DZANK1: variants seen among roughly 807,000 people sequenced by gnomAD.
The protein encoded by DZANK1 is double zinc ribbon and ankyrin repeat domains 1.
Under a neutral mutation model 94.5 loss-of-function variants are expected in DZANK1, and 91 were observed. The ratio of observed to expected loss-of-function variants is 0.96; its 90% CI spans 0.81 to 1.15. The LOEUF (loss-of-function observed/expected upper bound fraction) is 1.15, where lower values mean the gene tolerates loss of function less well. Ranked by LOEUF, DZANK1 falls within the 50% of genes most tolerant of loss-of-function variation. The pLI, the probability that DZANK1 is intolerant of heterozygous loss-of-function variation, is 0.00. For synonymous variants in DZANK1, 312 were observed against 325.3 expected, an observed-to-expected ratio of 0.96 and a Z score of 0.44; for missense variants, 903 against 916.4, an observed-to-expected ratio of 0.99 and a Z score of 0.19.
At chr20:18,404,043 G>A (rs983063275) in intron 13 of DZANK1, among the ~76,000 whole-genome samples, 4 of 151,942 alleles carry the variant, frequency 2.6e-5, no homozygotes, top group African/African-American at 4.8e-5. Context: ...GGCCCACCTC[G>A]GCCTCCCAAA....
At chr20:18,392,187 C>T (rs578088917) in intron 17 of DZANK1, among the ~76,000 whole-genome samples, 44 of 152,324 alleles carry the variant, frequency 2.9e-4, no homozygotes, top group African/African-American at 9.6e-4. Flanking sequence ...TAGGTAGAGT[C>T]TCCCAAATTG....
exon 10 of DZANK1, chr20:18,427,075 A>T: frequency 3.1e-6 from 5 of 1,610,244 alleles, no homozygotes; most frequent in Non-Finnish European, 4.2e-6. Context: ...ACCTCTTGTG[A>T]TGAAGGCAGG....
At chr20:18,426,981 C>G (rs1330245241) in intron 10 of DZANK1, 86 bp downstream of exon 10, 1 of 999,448 alleles carries the variant, frequency 1.0e-6, no homozygotes, top group Non-Finnish European at 1.4e-6. Context: ...TCTCCCCAAC[C>G]CCCTCGGCAG....
chr20:18,416,046 C>T (rs1281458548), intron 10 of DZANK1, among the ~76,000 whole-genome samples: 2 of 152,222 alleles, frequency 1.3e-5, no homozygotes, highest in African/African-American at 2.4e-5. Flanking sequence ...ACAGTGGCTG[C>T]TACCTGACCA....
At chr20:18,426,190 A>G (rs762145339) in intron 10 of DZANK1, among the ~76,000 whole-genome samples, 12 of 152,162 alleles carry the variant, frequency 7.9e-5, no homozygotes, top group Non-Finnish European at 1.6e-4. Flanking sequence ...TAGGAGTGCA[A>G]ACCCTATTGT....
intron 8 of DZANK1, among the ~76,000 whole-genome samples, chr20:18,440,545 C>T (rs1023801568): frequency 6.6e-6 from 1 of 152,294 alleles, no homozygotes; most frequent in East Asian, 1.9e-4. Context: ...TGGATCACAG[C>T]ATGCACCTGT....
At chr20:18,460,009 G>T (rs1312436542) in intron 3 of DZANK1, 144 bp downstream of exon 3, 17 of 600,302 alleles carry the variant, frequency 2.8e-5, no homozygotes, top group Non-Finnish European at 4.5e-5. Flanking sequence ...AAACACAAAT[G>T]TTACATACAT....
At chr20:18,398,215 G>A in intron 14 of DZANK1, 1 of 363,148 alleles carries the variant, frequency 2.8e-6, no homozygotes, top group South Asian at 3.6e-5. Context: ...TGCACGATCT[G>A]GATGGATTAA....
intron 11 of DZANK1, 114 bp from the exon 12 acceptor site, chr20:18,414,626 C>A (rs899122179): frequency 7.9e-7 from 1 of 1,264,354 alleles, no homozygotes; most frequent in African/African-American, 1.5e-5. Context: ...GCCATTCTAC[C>A]TTCCAGAATT....
intron 15 of DZANK1, among the ~76,000 whole-genome samples, chr20:18,395,011 C>T (rs2056258511): frequency 1.3e-5 from 2 of 152,214 alleles, no homozygotes; most frequent in South Asian, 4.1e-4. Context: ...TGCTCCTGTC[C>T]CAGGGAAGAG....
intron 8 of DZANK1, among the ~76,000 whole-genome samples, chr20:18,440,665 C>G (rs2058690017): frequency 6.6e-6 from 1 of 152,296 alleles, no homozygotes; most frequent in South Asian, 2.1e-4. Flanking sequence ...TTCAAGCCAT[C>G]TGCCCAGGTG....
At chr20:18,453,932 G>C in intron 4 of DZANK1, 105 bp from the exon 5 acceptor site, 4 of 834,986 alleles carry the variant, frequency 4.8e-6, no homozygotes, top group Non-Finnish European at 6.3e-6. Flanking sequence ...ATTTGAAAGA[G>C]TTTATGGTCA....
exon 18 of DZANK1, chr20:18,390,383 T>G: frequency 6.2e-7 from 1 of 1,613,902 alleles, no homozygotes; most frequent in Non-Finnish European, 8.5e-7. Context: ...ACTTACCTCA[T>G]CCAGCAGCTG....
At chr20:18,454,856 A>G (rs555883316) in intron 4 of DZANK1, among the ~76,000 whole-genome samples, 1 of 152,380 alleles carries the variant, frequency 6.6e-6, no homozygotes, top group South Asian at 2.1e-4. Context: ...GTGCCAGGAT[A>G]GCAGTGATAG....
chr20:18,462,594 AG>A (rs1162529211), intron 2 of DZANK1, among the ~76,000 whole-genome samples: 6 of 152,206 alleles, frequency 3.9e-5, no homozygotes, highest in African/African-American at 1.4e-4. Context: ...TTTGTTAAAA[AG>A]TCAAAAACTA....
chr20:18,412,786 A>C, exon 13 of DZANK1: 1 of 1,613,918 alleles, frequency 6.2e-7, no homozygotes, highest in African/African-American at 1.3e-5. Flanking sequence ...CTGTGTTCCT[A>C]TGTCCCTCTT....
chr20:18,466,485 T>A (rs2059658973), intron 1 of DZANK1, among the ~76,000 whole-genome samples: 1 of 152,190 alleles, frequency 6.6e-6, no homozygotes, highest in South Asian at 2.1e-4. Context: ...GCCAAGAATA[T>A]AAACTACAGA....
chr20:18,410,113 TAA>T (rs1352328728), intron 13 of DZANK1, among the ~76,000 whole-genome samples: 1 of 151,128 alleles, frequency 6.6e-6, no homozygotes, highest in African/African-American at 2.4e-5. Flanking sequence ...AGGAATAAAT[TAA>T]GAGAACTATA....
chr20:18,463,447 T>C (rs1229448766), intron 2 of DZANK1, among the ~76,000 whole-genome samples: 3 of 152,004 alleles, frequency 2.0e-5, no homozygotes, highest in Admixed American at 6.6e-5. Flanking sequence ...CCACACAATA[T>C]ACCCAGGTAG....
Sources: gnomAD v4.1 joint callset for allele counts (sites outside exome capture counted in the v4.1 genomes callset) on GRCh38, gnomAD v4.1.1 for gene constraint, MANE v1.5 for transcripts, NCBI Gene and HGNC (gene_info 2026-07-23, HGNC 2026-07-21) for gene names.